VPS13C: variants seen among roughly 807,000 people sequenced by gnomAD.
VPS13C encodes intermembrane lipid transfer protein VPS13C.
Under a neutral mutation model 456.8 loss-of-function variants are expected in VPS13C, and 358 were observed. The observed-to-expected ratio is 0.78, with a 90% CI of 0.72 to 0.86. The LOEUF (loss-of-function observed/expected upper bound fraction) is 0.86, where lower values mean the gene tolerates loss of function less well. Ranked by LOEUF, VPS13C falls within the 40% of genes least tolerant of loss-of-function variation. The probability of loss-of-function intolerance (pLI) is 0.00; values close to 1 mark genes in which losing one functional copy is unlikely to be tolerated. For missense variants in VPS13C, 4,818 were observed against 4,385.4 expected, an observed-to-expected ratio of 1.10 and a Z score of -2.79; for synonymous variants, 1,578 against 1,486.7, an observed-to-expected ratio of 1.06 and a Z score of -1.41.
At chr15:61,946,540 G>T in intron 43 of VPS13C, 130 bp from the exon 44 acceptor site, 1 of 493,368 alleles carries the variant, frequency 2.0e-6, no homozygotes, top group African/African-American at 2.0e-5. Flanking sequence ...CACATTAATG[G>T]CATCAACTTT....
intron 16 of VPS13C, among the ~76,000 whole-genome samples, chr15:61,993,684 TAGAA>T (rs1567083606): frequency 1.3e-5 from 2 of 152,030 alleles, no homozygotes; most frequent in African/African-American, 2.4e-5. Flanking sequence ...ATTTCAAACA[TAGAA>T]AGGCTATGAA....
At chr15:62,056,313 T>C (rs1450419800) in intron 1 of VPS13C, among the ~76,000 whole-genome samples, 1 of 152,200 alleles carries the variant, frequency 6.6e-6, no homozygotes, top group Admixed American at 6.5e-5. Flanking sequence ...CCCAATATTA[T>C]AATAATCCTC....
intron 45 of VPS13C, among the ~76,000 whole-genome samples, chr15:61,944,830 C>T (rs2044550118): frequency 6.6e-6 from 1 of 151,878 alleles, no homozygotes; most frequent in African/African-American, 2.4e-5. Context: ...AATTATCTTT[C>T]TTTGAAAAAA....
chr15:62,003,967 T>C (rs1464335622), intron 15 of VPS13C, among the ~76,000 whole-genome samples: 1 of 152,146 alleles, frequency 6.6e-6, no homozygotes. Context: ...TCAAGGATAT[T>C]GGTCTAAAAT....
At position 61,973,552 on chromosome 15, in the gene VPS13C, G is replaced by A. The variant is rs1052181257; in HGVS notation, c.2539-20C>T. On this transcript the variant is annotated intron_variant, in intron 25 of 84. Coordinates refer to ENST00000644861, the MANE Select transcript of VPS13C (RefSeq NM_020821.3). Reference sequence around the variant, plus strand: ...GGATACCTAGCAAAGAATACAAAAAGTTTTCTTAAAAAGGATGACTTAGCA... The same window carrying A: ...GGATACCTAGCAAAGAATACAAAAAATTTTCTTAAAAAGGATGACTTAGCA... 5 of 1,594,306 alleles carry A rather than the reference G, an allele frequency of 3.1e-6. No individual in the cohort carries two copies. In the African/African-American group the frequency reaches 6.7e-5, roughly 21 times the overall value.
At chr15:62,039,239 A>G (rs2048161940) in intron 3 of VPS13C, among the ~76,000 whole-genome samples, 2 of 152,200 alleles carry the variant, frequency 1.3e-5, no homozygotes, top group Admixed American at 1.3e-4. Context: ...TATACCATGC[A>G]ATAGTATGCA....
At position 61,853,287 on chromosome 15, in the gene VPS13C, C is replaced by T. The variant is rs1209728011; in HGVS notation, c.*1170G>A. 6.6e-6 allele frequency: 1 copy of T among 151,836 alleles called. No homozygotes were observed. Among genetic ancestry groups the T allele is most frequent in the East Asian group, 1.9e-4 (1 of 5,182 alleles). 9.4% of individuals were successfully genotyped at this position (151,836 alleles called of 1,614,324 possible). On this transcript the variant is annotated 3_prime_UTR_variant, in exon 85 of 85. Coordinates refer to ENST00000644861, the MANE Select transcript of VPS13C (RefSeq NM_020821.3). ...AGGAGTAAATGTTAATTTGTGATGCCCTTAAAAGACTTTCAACCTGTAAGA... is the reference window on the plus strand; with the variant it reads ...AGGAGTAAATGTTAATTTGTGATGCTCTTAAAAGACTTTCAACCTGTAAGA...
rs1251634235 is a variant in VPS13C at position 61,929,810 on chromosome 15, T to C, written c.6039-62A>G. On this transcript the variant is annotated intron_variant, in intron 50 of 84. Transcript: ENST00000644861. ...CTAAAACAATAAAAAAGATGAAGAA[T>C]TTCCTATATACCTCAATAATCTTTA... is the stretch of plus-strand genomic sequence containing the variant. 9.7e-6 allele frequency: 14 copies of C among 1,445,640 alleles called. No homozygotes were observed. In the Middle Eastern group the frequency reaches 8.9e-4, roughly 92 times the overall value. The allele number at this position is 1,445,640 out of a possible 1,614,324, so 89.6% of individuals were successfully genotyped here. A position where few individuals can be genotyped will look rare whatever the true frequency, so the allele number is the denominator to read the frequency against.
In VPS13C at chr15:61,856,586, C is replaced by G. The variant is rs1893919175; in HGVS notation, c.10953-177G>C. 5 of 546,142 alleles carry G rather than the reference C, an allele frequency of 9.2e-6. No individual in the cohort carries two copies. The South Asian group carries it at 1.3e-4, about 14-fold the overall frequency. The allele number at this position is 546,142 out of a possible 1,614,324, so 33.8% of individuals were successfully genotyped here. On this transcript the variant is annotated intron_variant, in intron 82 of 84. Coordinates refer to ENST00000644861, the MANE Select transcript of VPS13C (RefSeq NM_020821.3). ...GTCTAGATAACTGTCAAATAAAGAG[C>G]AAATATGACACCTACCAAGCAACAA...
intron 53 of VPS13C, among the ~76,000 whole-genome samples, chr15:61,924,124 C>T (rs906488971): frequency 6.6e-5 from 10 of 151,902 alleles, no homozygotes; most frequent in Non-Finnish European, 1.5e-5. Context: ...CCTCGGCCTC[C>T]CAAAGTGCTG....
intron 76 of VPS13C, among the ~76,000 whole-genome samples, chr15:61,875,430 T>A (rs1261542987): frequency 6.6e-6 from 1 of 152,054 alleles, no homozygotes; most frequent in Non-Finnish European, 1.5e-5. Flanking sequence ...TTGCTTTCAG[T>A]GCCCTATTAG....
Position 61,858,298 on chromosome 15 carries a change from G to A in VPS13C, c.10953-1889C>T, listed in dbSNP as rs1002651745. 2.3e-4 allele frequency among the ~76,000 whole-genome samples: 35 copies of A among 151,658 alleles called. No homozygotes were observed. Among genetic ancestry groups the A allele is most frequent in the Admixed American group, 3.3e-4 (5 of 15,224 alleles). ...AATGGTCTCTCAGATCTCAACTCGA[G>A]ATTTTTATCCAAACTCCAACTATCT... On this transcript the variant is annotated intron_variant, in intron 82 of 84. Transcript: ENST00000644861. This position sits in a 1 kb window ranked among gnomAD's most constrained non-coding sequence, Gnocchi z 4.4.
In VPS13C at chr15:62,034,985, T is replaced by C; in HGVS notation, c.255A>G (p.Gly85=). Residue 85 remains glycine (G), a synonymous_variant, in exon 4 of 85, where the codon GGA becomes GGG. Coordinates refer to ENST00000644861, the MANE Select transcript of VPS13C (RefSeq NM_020821.3). The part of the protein sequence containing the change: ...YGEAVVATLE[G]LYLLVVPGAS... ...CTCCAGGGACAACAAGCAGGTATAA[T>C]CCTTCCAGGGTCGCAACAACTGCTT... is the stretch of plus-strand genomic sequence containing the variant. 1.2e-6 allele frequency: 2 copies of C among 1,601,878 alleles called. No homozygotes were observed. The highest frequency in any genetic ancestry group is 2.3e-5 in the East Asian group (1 of 44,420).
intron 2 of VPS13C, among the ~76,000 whole-genome samples, 176 bp downstream of exon 2, chr15:62,044,036 G>GA (rs1310951547): frequency 1.3e-5 from 2 of 152,026 alleles, no homozygotes; most frequent in African/African-American, 4.8e-5. Flanking sequence ...ATTATTAGGG[G>GA]AAAAAATTTC....
chr15:61,902,954 CCA>C (rs1299267403), intron 66 of VPS13C, among the ~76,000 whole-genome samples: 1 of 150,872 alleles, frequency 6.6e-6, no homozygotes, highest in Non-Finnish European at 1.5e-5. Flanking sequence ...CCTAAAGACT[CCA>C]CACACATTAA....
At chr15:61,922,265 T>G in intron 54 of VPS13C, 132 bp downstream of exon 54, 1 of 1,231,434 alleles carries the variant, frequency 8.1e-7, no homozygotes, top group Non-Finnish European at 1.1e-6. Context: ...ATCGACAAAT[T>G]AAATGTCAGA....
chr15:61,936,200 G>A (rs542855284), intron 48 of VPS13C, among the ~76,000 whole-genome samples: 29 of 152,228 alleles, frequency 1.9e-4, no homozygotes, highest in Non-Finnish European at 3.8e-4. Flanking sequence ...GATAAATAAA[G>A]CTGTTACAAG....
intron 82 of VPS13C, among the ~76,000 whole-genome samples, chr15:61,862,591 T>G (rs1222469521): frequency 6.6e-6 from 1 of 152,194 alleles, no homozygotes; most frequent in Non-Finnish European, 1.5e-5. Context: ...TATAAAATTA[T>G]GGACATAAAA....
intron 60 of VPS13C, among the ~76,000 whole-genome samples, chr15:61,916,718 AT>A (rs1447640378): frequency 1.3e-5 from 2 of 152,118 alleles, no homozygotes; most frequent in Non-Finnish European, 2.9e-5. Flanking sequence ...CCATACAGAA[AT>A]TTTAAAATAT....
Sources: gnomAD v4.1 joint callset for allele counts (sites outside exome capture counted in the v4.1 genomes callset) on GRCh38, gnomAD v4.1.1 for gene constraint, Gnocchi (gnomAD v3.1) non-coding constraint, MANE v1.5 for transcripts, NCBI Gene and HGNC (gene_info 2026-07-23, HGNC 2026-07-21) for gene names.